The following DENND3 variants were observed in gnomAD, a reference collection of about 807,000 sequenced individuals.
DENND3 encodes the protein DENN domain-containing protein 3.
Under a neutral mutation model 135.1 loss-of-function variants are expected in DENND3, and 88 were observed. The ratio of observed to expected loss-of-function variants is 0.65; its 90% CI spans 0.55 to 0.78. The LOEUF is 0.78. Among genes scored for constraint, DENND3 ranks in the 30% least tolerant of loss-of-function variants. The pLI, the probability that DENND3 is intolerant of heterozygous loss-of-function variation, is 0.00. For synonymous variants in DENND3, 693 were observed against 712.3 expected, an observed-to-expected ratio of 0.97 and a Z score of 0.43; for missense variants, 1,392 against 1,688.4, an observed-to-expected ratio of 0.82 and a Z score of 3.08.
At chr8:141,140,871 T>G (rs1009351197) in intron 3 of DENND3, among the ~76,000 whole-genome samples, 1 of 152,242 alleles carries the variant, frequency 6.6e-6, no homozygotes, top group Non-Finnish European at 1.5e-5. Flanking sequence ...GCGTGGCCCC[T>G]GCATTTTCTC....
At position 141,154,554 on chromosome 8, in the gene DENND3, CTTTTTTTTTTCTT is replaced by C. The variant is rs1360906611; in HGVS notation, c.1075-1284_1075-1272del. ...CCTTGTCAACAACATGTATTGGAAT[CTTTTTTTTTTCTT>C]TTTTTTTTTTGTGAGATGGAGTTTC... On this transcript the variant is annotated intron_variant, in intron 7 of 22. Coordinates refer to ENST00000519811, the MANE Select transcript of DENND3 (RefSeq NM_001352890.3). The surrounding 1 kb of genome is among the most constrained non-coding windows in gnomAD (Gnocchi z 4.4). Among the ~76,000 whole-genome samples, 21 of 147,838 alleles carry C rather than the reference CTTTTTTTTTTCTT, an allele frequency of 1.4e-4. No homozygotes were observed. Among genetic ancestry groups the C allele is most frequent in the Admixed American group, 1.4e-3 (21 of 14,820 alleles).
intron 7 of DENND3, among the ~76,000 whole-genome samples, chr8:141,153,140 C>A (rs1311104115): frequency 7.0e-6 from 1 of 143,782 alleles, no homozygotes; most frequent in East Asian, 2.0e-4. Context: ...GTTGCCCAGG[C>A]TGGAGTGCAA....
chr8:141,157,190 C>G (rs1365757040), intron 8 of DENND3, among the ~76,000 whole-genome samples: 2 of 152,196 alleles, frequency 1.3e-5, no homozygotes, highest in East Asian at 3.8e-4. Flanking sequence ...CAACAAGTGT[C>G]AAATAATATT....
chr8:141,176,901 A>G, intron 15 of DENND3, 140 bp downstream of exon 15: 2 of 894,466 alleles, frequency 2.2e-6, no homozygotes, highest in Non-Finnish European at 3.4e-6. Flanking sequence ...TTTGTCGGAC[A>G]CCATCTTGAC....
rs769794085 is a variant in DENND3, at chr8:141,178,052, G to T, written c.2707-15G>T. 7 of 1,590,836 alleles carry T rather than the reference G, an allele frequency of 4.4e-6. No individual in the cohort carries two copies. The highest frequency in any genetic ancestry group is 1.3e-5 in the African/African-American group (1 of 74,514). ...TGATTCTTGCTGTTTTGAAACGCAC[G>T]TGTTTCTGTTGTAGGACCCTCACTA... On this transcript the variant is annotated splice_polypyrimidine_tract_variant and intron_variant, in intron 15 of 22. Transcript: ENST00000519811.
At chr8:141,171,820 G>A (rs994186280) in intron 13 of DENND3, among the ~76,000 whole-genome samples, 2 of 151,516 alleles carry the variant, frequency 1.3e-5, no homozygotes, top group African/African-American at 4.9e-5. Flanking sequence ...CACAGTGGCC[G>A]TGGGTGTGCA....
At chr8:141,133,727 C>G (rs191371432) in intron 1 of DENND3, among the ~76,000 whole-genome samples, 2 of 151,940 alleles carry the variant, frequency 1.3e-5, no homozygotes, top group Non-Finnish European at 2.9e-5. Context: ...GGCTGGGGCC[C>G]GAGGGGCTGG....
Position 141,190,428 on chromosome 8 carries a change from C to A in DENND3, c.3379+11C>A, listed in dbSNP as rs150211643. ...GCCGCCTGTGGTGCTGTAAGTCCGG[C>A]CCCTGCCATCAGAGCGGGCACCCTA... On this transcript the variant is annotated intron_variant, in intron 20 of 22. Transcript: ENST00000519811. 3.1e-6 allele frequency: 5 copies of A among 1,601,138 alleles called. No individual in the cohort carries two copies. Among genetic ancestry groups the A allele is most frequent in the South Asian group, 1.1e-5 (1 of 89,316 alleles).
At chr8:141,192,914 CTTAA>C in intron 22 of DENND3, 1 of 1,460,186 alleles carries the variant, frequency 6.8e-7, no homozygotes, top group Non-Finnish European at 9.1e-7. Flanking sequence ...AATGACAGAA[CTTAA>C]TTTTCTCACA....
chr8:141,188,952 A>G (rs965160341), intron 18 of DENND3, 34 bp from the exon 19 acceptor site: 2 of 1,605,170 alleles, frequency 1.2e-6, no homozygotes, highest in Non-Finnish European at 1.7e-6. Context: ...ATCGAGACTG[A>G]CTGATTTCTC....
intron 9 of DENND3, among the ~76,000 whole-genome samples, chr8:141,163,062 T>C (rs577635151): frequency 6.6e-6 from 1 of 152,184 alleles, no homozygotes. Flanking sequence ...CAACTGACTT[T>C]TGTGTCTTAA....
chr8:141,184,100 C>T (rs1823567585), intron 17 of DENND3, among the ~76,000 whole-genome samples: 1 of 152,244 alleles, frequency 6.6e-6, no homozygotes, highest in Non-Finnish European at 1.5e-5. Flanking sequence ...ACGGCGCCTA[C>T]AGCCTCTTCC....
chr8:141,174,461 G>A lies in DENND3; in HGVS notation c.2276-739G>A, dbSNP rs1822063477. Among the ~76,000 whole-genome samples, 1 of 152,156 alleles carries A rather than the reference G, an allele frequency of 6.6e-6. No individual in the cohort carries two copies. Among genetic ancestry groups the A allele is most frequent in the Non-Finnish European group, 1.5e-5 (1 of 68,018 alleles). On this transcript the variant is annotated intron_variant, in intron 13 of 22. Transcript: ENST00000519811. This position sits in a 1 kb window ranked among gnomAD's most constrained non-coding sequence, Gnocchi z 4.6. Reference sequence around the variant, plus strand: ...CTAGGGGCTTGAGTTGGCAGGACCTGCCGGCAGGGACTTGGGATTTCCGAG... The same window carrying A: ...CTAGGGGCTTGAGTTGGCAGGACCTACCGGCAGGGACTTGGGATTTCCGAG...
Position 141,144,255 on chromosome 8 carries a change from A to G in DENND3, c.731A>G (p.His244Arg), listed in dbSNP as rs1817786165. 1.9e-6 allele frequency: 3 copies of G among 1,608,970 alleles called. No homozygotes were observed. Among genetic ancestry groups the G allele is most frequent in the Non-Finnish European group, 2.5e-6 (3 of 1,178,510 alleles). ...CCCAGCCCGCCACCTGGACCGCTCC[A>G]TTTGGTAAAGTATATCTGAAATTAT... ...LIPSPPPGPLHLVFNMKSLQI... is the reference protein window; with the variant it reads ...LIPSPPPGPLRLVFNMKSLQI... Residue 244 changes from histidine (H) to arginine (R), a missense_variant, in exon 5 of 23, where the codon CAT becomes CGT. His to Arg is a conservative substitution (Grantham distance 29, BLOSUM62 0). Transcript: ENST00000519811. The surrounding 1 kb of genome is among the most constrained non-coding windows in gnomAD (Gnocchi z 4.4).
Position 141,154,609 on chromosome 8 carries a change from C to T in DENND3, c.1075-1240C>T, listed in dbSNP as rs1819220594. Among the ~76,000 whole-genome samples the T allele has an allele frequency of 6.6e-6, 1 of 150,892 alleles. No individual in the cohort carries two copies. Among genetic ancestry groups the T allele is most frequent in the African/African-American group, 2.4e-5 (1 of 40,936 alleles). ...TGGAGTTTCGCTCTTGTTGCCCAGG[C>T]TGGAGTGCAATGGCACGATCTCAGC... On this transcript the variant is annotated intron_variant, in intron 7 of 22. Transcript: ENST00000519811. This position sits in a 1 kb window ranked among gnomAD's most constrained non-coding sequence, Gnocchi z 4.4.
Position 141,137,878 on chromosome 8 carries a change from G to C in DENND3, c.386-144G>C. The C allele has an allele frequency of 1.4e-6, 1 of 740,116 alleles. No homozygotes were observed. Among genetic ancestry groups the C allele is most frequent in the Non-Finnish European group, 2.2e-6 (1 of 461,478 alleles). The allele number at this position is 740,116 out of a possible 1,614,324, so 45.8% of individuals were successfully genotyped here. On this transcript the variant is annotated intron_variant, in intron 2 of 22. Coordinates refer to ENST00000519811, the MANE Select transcript of DENND3 (RefSeq NM_001352890.3). This position sits in a 1 kb window ranked among gnomAD's most constrained non-coding sequence, Gnocchi z 4.1. ...GGATAGACGGCCGGAGGCGTGATCG[G>C]AAGAATGAACCCGCCTTGGACATGA...
intron 13 of DENND3, among the ~76,000 whole-genome samples, chr8:141,172,928 AAAG>A (rs1821814589): frequency 6.6e-6 from 1 of 152,108 alleles, no homozygotes; most frequent in Non-Finnish European, 1.5e-5. Flanking sequence ...AAAAAAAAAA[AAAG>A]AAAGAAATAC....
chr8:141,172,842 T>G lies in DENND3; in HGVS notation c.2276-2358T>G, dbSNP rs1821800038. ...TAGAGGATGGCTTGAGCCCAGGAAT[T>G]CGAGGCTGCAGTGAGCTATGATCAC... is the stretch of plus-strand genomic sequence containing the variant. On this transcript the variant is annotated intron_variant, in intron 13 of 22. Coordinates refer to ENST00000519811, the MANE Select transcript of DENND3 (RefSeq NM_001352890.3). Among the ~76,000 whole-genome samples, 3 of 152,168 alleles carry G rather than the reference T, an allele frequency of 2.0e-5. No individual in the cohort carries two copies. The South Asian group carries it at 6.2e-4, about 32-fold the overall frequency.
At chr8:141,177,971 A>G (rs1343780935) in intron 15 of DENND3, 96 bp from the exon 16 acceptor site, 41 of 1,438,084 alleles carry the variant, frequency 2.9e-5, no homozygotes, top group Non-Finnish European at 3.1e-5. Flanking sequence ...GGAAAAAGGC[A>G]TTTTGGAAGG....
Sources: gnomAD v4.1 joint callset for allele counts (sites outside exome capture counted in the v4.1 genomes callset) on GRCh38, gnomAD v4.1.1 for gene constraint, Gnocchi (gnomAD v3.1) non-coding constraint, MANE v1.5 for transcripts, NCBI Gene and HGNC (gene_info 2026-07-23, HGNC 2026-07-21) for gene names.